The following TJP1 variants were observed in gnomAD, a reference collection of about 807,000 sequenced individuals.
The protein encoded by TJP1 is tight junction protein 1.
In TJP1, 43 loss-of-function variants were observed where a neutral mutation model predicts 194.2. That is an observed-to-expected ratio of 0.22 (90% CI 0.17 to 0.29). The LOEUF is 0.29. TJP1 is among the 10% of genes least tolerant of loss of function. The probability of loss-of-function intolerance (pLI) is 1.00; values close to 1 mark genes in which losing one functional copy is unlikely to be tolerated. For missense variants in TJP1, 1,971 were observed against 2,185.7 expected (o/e 0.90, Z 1.96); for synonymous variants, 801 against 779.0 (o/e 1.03, Z -0.47).
At chr15:29,890,843 A>C (rs1333460474) in intron 2 of TJP1, among the ~76,000 whole-genome samples, 2 of 151,780 alleles carry the variant, frequency 1.3e-5, no homozygotes, top group African/African-American at 4.8e-5. Flanking sequence ...AATGCCAGAG[A>C]GTGAAAGCTA....
rs1044281839 is a variant in TJP1, at chr15:29,943,171, G to A, written c.306+13061C>T. Among the ~76,000 whole-genome samples the A allele has an allele frequency of 1.1e-4, 16 of 152,146 alleles. No homozygotes were observed. In the South Asian group the frequency reaches 1.2e-3, roughly 12 times the overall value. On this transcript the variant is annotated intron_variant, in intron 2 of 28. Transcript: ENST00000356107. ...ATTTTATATGTGTAAGAGAGAGAGC[G>A]GGTGGGCATCCTCTTTTGACATAAA...
chr15:29,882,063 T>A (rs187427715), intron 2 of TJP1, among the ~76,000 whole-genome samples: 1 of 152,138 alleles, frequency 6.6e-6, no homozygotes, highest in Non-Finnish European at 1.5e-5. Flanking sequence ...AGGGATGGCA[T>A]CAAACACAAT....
intron 2 of TJP1, among the ~76,000 whole-genome samples, chr15:29,880,133 A>G (rs1416861260): frequency 6.6e-6 from 1 of 151,888 alleles, no homozygotes; most frequent in Non-Finnish European, 1.5e-5. Context: ...TCTTGGTGCA[A>G]TTTTTTTCAA....
chr15:29,908,107 AAG>A (rs1567184926), intron 2 of TJP1, among the ~76,000 whole-genome samples: 1 of 146,176 alleles, frequency 6.8e-6, no homozygotes, highest in Non-Finnish European at 1.5e-5. Context: ...AGGAAAGATA[AAG>A]AGGGAGGAGA....
rs144516414 is a variant in TJP1 at position 29,724,162 on chromosome 15, C to T, written c.2412+2217G>A. Reference sequence around the variant, plus strand: ...TTCCACGCAGTCCCCATGCTTGGCTCGTTAAGACTCTGACCTTGAGCACTG... The same window carrying T: ...TTCCACGCAGTCCCCATGCTTGGCTTGTTAAGACTCTGACCTTGAGCACTG... On this transcript the variant is annotated intron_variant, in intron 18 of 27. Transcript: ENST00000614355. Among the ~76,000 whole-genome samples the T allele has an allele frequency of 2.2e-4, 34 of 151,968 alleles. No homozygotes were observed. The East Asian group carries it at 5.4e-3, about 24-fold the overall frequency.
At chr15:29,742,179 G>A (rs2044466183) in intron 9 of TJP1, among the ~76,000 whole-genome samples, 2 of 152,020 alleles carry the variant, frequency 1.3e-5, no homozygotes, top group African/African-American at 4.8e-5. Context: ...CTGGAGCCCA[G>A]GAGTTTTGAG....
chr15:29,848,236 T>C (rs1032013548), intron 2 of TJP1, among the ~76,000 whole-genome samples: 1 of 152,120 alleles, frequency 6.6e-6, no homozygotes, highest in Non-Finnish European at 1.5e-5. Flanking sequence ...TCCTCTTAGA[T>C]TGTGTTGTTC....
At chr15:29,958,905 C>T (rs2056050157) in intron 1 of TJP1, among the ~76,000 whole-genome samples, 1 of 119,766 alleles carries the variant, frequency 8.3e-6, no homozygotes, top group Non-Finnish European at 1.8e-5. Flanking sequence ...CTCCAGATTG[C>T]AAACTTGCTT....
chr15:29,753,822 G>GAAAAAAAA (rs59926060), intron 8 of TJP1, among the ~76,000 whole-genome samples: 8 of 68,360 alleles, frequency 1.2e-4, no homozygotes, highest in African/African-American at 1.1e-4. Context: ...AAGGGAAACA[G>GAAAAAAAA]AAAAAAAAAA....
chr15:29,890,425 G>T (rs531597358), intron 2 of TJP1, among the ~76,000 whole-genome samples: 1 of 152,268 alleles, frequency 6.6e-6, no homozygotes, highest in South Asian at 2.1e-4. Flanking sequence ...CAACTTCAAG[G>T]CGCAGTGAAT....
Position 29,720,220 on chromosome 15 carries a change from T to C in TJP1, c.2763+138A>G, listed in dbSNP as rs958696785. On this transcript the variant is annotated intron_variant, in intron 19 of 27. Coordinates refer to ENST00000614355, the MANE Select transcript of TJP1 (RefSeq NM_001330239.4). The stretch of plus-strand genomic sequence containing the variant: ...ACACACAAAATTTAGAATTAAGCCC[T>C]TGGTACTCTCAAATTGAAATTGAAG... The C allele has an allele frequency of 7.2e-6, 8 of 1,115,342 alleles. No individual in the cohort carries two copies. The South Asian group carries it at 1.1e-4, about 16-fold the overall frequency. 69.1% of individuals were successfully genotyped at this position (1,115,342 alleles called of 1,614,324 possible). A position where few individuals can be genotyped will look rare whatever the true frequency, so the allele number is the denominator to read the frequency against.
At chr15:29,916,970 C>T (rs1021389429) in intron 2 of TJP1, among the ~76,000 whole-genome samples, 1 of 152,152 alleles carries the variant, frequency 6.6e-6, no homozygotes, top group Non-Finnish European at 1.5e-5. Context: ...ACAGAACCCC[C>T]CCTCCACCAC....
At chr15:29,720,184 T>C in intron 19 of TJP1, 168 bp from the exon 20 acceptor site, 1 of 1,136,290 alleles carries the variant, frequency 8.8e-7, no homozygotes, top group Non-Finnish European at 1.2e-6. Flanking sequence ...TACATTGCTG[T>C]GTTAAGACAA....
chr15:29,705,496 T>C (rs1410443560), intron 26 of TJP1, 32 bp downstream of exon 26: 2 of 1,608,098 alleles, frequency 1.2e-6, no homozygotes, highest in South Asian at 1.1e-5. Flanking sequence ...TCTTAAGTTA[T>C]CAAAACTAAG....
intron 1 of TJP1, among the ~76,000 whole-genome samples, chr15:29,821,157 CCTAG>C (rs1356512747): frequency 6.6e-6 from 1 of 152,262 alleles, no homozygotes; most frequent in African/African-American, 2.4e-5. Context: ...GGAGGAGCAT[CCTAG>C]CTGTTTTTCA....
At position 29,708,625 on chromosome 15, in the gene TJP1, A is replaced by G. The variant is rs1297713061; in HGVS notation, c.4784T>C (p.Ile1595Thr). ...EFDSGVETFS[I>T]HAEKPKYQIN... ...TTGATATTTAGGCTTCTCTGCATGG[A>G]TAGAGAAAGTTTCAACTCCACTGTC... Residue 1595 changes from isoleucine (I) to threonine (T), a missense_variant, in exon 25 of 28, where the codon ATC becomes ACC. Around this residue, in one of 5 missense-constraint regions of TJP1, gnomAD observed 1,108 missense variants for 1,128.5 expected, o/e 0.98. Coordinates refer to ENST00000614355, the MANE Select transcript of TJP1 (RefSeq NM_001330239.4). 2.5e-6 allele frequency: 4 copies of G among 1,614,160 alleles called. No homozygotes were observed. The East Asian group carries it at 6.7e-5, about 27-fold the overall frequency.
At chr15:29,893,040 T>C (rs1285839434) in intron 2 of TJP1, among the ~76,000 whole-genome samples, 1 of 152,218 alleles carries the variant, frequency 6.6e-6, no homozygotes, top group Non-Finnish European at 1.5e-5. Flanking sequence ...TTAGATGCCA[T>C]TAAGAATATT....
At chr15:29,721,015 T>G (rs1376175746) in intron 18 of TJP1, among the ~76,000 whole-genome samples, 1 of 152,162 alleles carries the variant, frequency 6.6e-6, no homozygotes, top group African/African-American at 2.4e-5. Flanking sequence ...TTATAAAACC[T>G]ACTCACTAGC....
At chr15:29,786,299 A>AC (rs2047695714) in intron 2 of TJP1, among the ~76,000 whole-genome samples, 1 of 152,164 alleles carries the variant, frequency 6.6e-6, no homozygotes, top group Non-Finnish European at 1.5e-5. Context: ...AGCTTCTTAC[A>AC]GAATACCTCC....
Sources: allele counts gnomAD v4.1 joint callset (sites outside exome capture counted in the v4.1 genomes callset), GRCh38; gene constraint gnomAD v4.1.1; regional missense constraint gnomAD v4.1.1; transcripts MANE v1.5; gene names NCBI Gene and HGNC (gene_info 2026-07-23, HGNC 2026-07-21).